ROBO2: variants seen among roughly 807,000 people sequenced by gnomAD.
ROBO2 encodes roundabout guidance receptor 2, also known as roundabout homolog 2.
ROBO2 carries 53 observed loss-of-function variants against 160.8 expected under a neutral mutation model. The observed-to-expected ratio is 0.33, with a 90% CI of 0.26 to 0.41. The LOEUF is 0.41. Ranked by LOEUF, ROBO2 falls within the 10% of genes least tolerant of loss-of-function variation. The pLI is 1.00. For synonymous variants in ROBO2, 664 were observed against 611.7 expected, an observed-to-expected ratio of 1.09 and a Z score of -1.26; for missense variants, 1,577 against 1,722.4, an observed-to-expected ratio of 0.92 and a Z score of 1.49.
At chr3:76,508,223 T>A (rs568520784) in intron 2 of ROBO2, among the ~76,000 whole-genome samples, 1 of 152,272 alleles carries the variant, frequency 6.6e-6, no homozygotes, top group Non-Finnish European at 1.5e-5. Context: ...CCTAAAATGA[T>A]CATTTTTAGT....
chr3:76,798,170 G>GAAAGAAA (rs1553909247), intron 2 of ROBO2, among the ~76,000 whole-genome samples: 1 of 113,836 alleles, frequency 8.8e-6, no homozygotes, highest in Non-Finnish European at 1.8e-5. Flanking sequence ...AAGAAAGAAA[G>GAAAGAAA]GGAGAGAAAG....
intron 2 of ROBO2, among the ~76,000 whole-genome samples, chr3:77,339,167 TAA>T (rs890742508): frequency 6.6e-6 from 1 of 152,050 alleles, no homozygotes; most frequent in Non-Finnish European, 1.5e-5. Context: ...TGCCAAATGA[TAA>T]AAAAATTAAC....
chr3:77,558,132 C>A lies in ROBO2; in HGVS notation c.1420C>A (p.Gln474Lys), dbSNP rs774652786. ...AACAATTCAAGAGCAAGGCACACTG[C>A]AGATTAAGAATTTACGGGTAAGTAA... Residue 474 changes from glutamine to lysine, a missense_variant, in exon 9 of 26, where the codon CAG (glutamine) becomes AAG (lysine). Gln to Lys is a moderately conservative substitution (Grantham distance 53). This residue lies in a region of ROBO2 where 940 missense variants were observed against 1,135.5 expected (regional missense o/e 0.83). Coordinates refer to ENST00000461745, the Ensembl canonical transcript of ROBO2. 9.2e-5 allele frequency: 149 copies of A among 1,612,672 alleles called. No individual in the cohort carries two copies. Among genetic ancestry groups the A allele is most frequent in the Middle Eastern group, 1.6e-4 (1 of 6,078 alleles).
chr3:77,636,246 G>A (rs1583434802), intron 24 of ROBO2, among the ~76,000 whole-genome samples: 1 of 151,934 alleles, frequency 6.6e-6, no homozygotes, highest in Non-Finnish European at 1.5e-5. Context: ...TGGGACATAG[G>A]GTCTCTGTCA....
At chr3:75,991,380 T>C (rs688742) in intron 2 of ROBO2, among the ~76,000 whole-genome samples, 117,262 of 151,738 alleles carry the variant, frequency 0.77, 46,505 homozygotes, top group East Asian at 0.97. Context: ...TCAGGGCTTT[T>C]CCACACTGTT....
chr3:76,371,972 G>C (rs751762965), intron 2 of ROBO2, among the ~76,000 whole-genome samples: 7 of 151,812 alleles, frequency 4.6e-5, no homozygotes, highest in Non-Finnish European at 8.8e-5. Flanking sequence ...TTAAAAGAGT[G>C]TTCCCCTACT....
chr3:76,801,631 A>G (rs2064206297), intron 2 of ROBO2, among the ~76,000 whole-genome samples: 1 of 152,122 alleles, frequency 6.6e-6, no homozygotes, highest in South Asian at 2.1e-4. Flanking sequence ...TATCGAGACC[A>G]GCAAAACTTT....
At chr3:76,219,419 C>G (rs1343026112) in intron 2 of ROBO2, among the ~76,000 whole-genome samples, 1 of 152,120 alleles carries the variant, frequency 6.6e-6, no homozygotes, top group East Asian at 1.9e-4. Context: ...TTTTTGCAAA[C>G]TACTTACCTG....
intron 2 of ROBO2, among the ~76,000 whole-genome samples, chr3:77,221,430 T>C (rs2085774273): frequency 6.6e-6 from 1 of 152,214 alleles, no homozygotes; most frequent in African/African-American, 2.4e-5. Context: ...AGGGTGACAC[T>C]GATCGAATGT....
intron 2 of ROBO2, among the ~76,000 whole-genome samples, chr3:76,166,781 A>G (rs945838815): frequency 1.3e-4 from 20 of 152,204 alleles, no homozygotes; most frequent in African/African-American, 4.6e-4. Context: ...GTTTGAATAA[A>G]TAAATATAAT....
intron 2 of ROBO2, among the ~76,000 whole-genome samples, chr3:76,206,259 G>C (rs1257337061): frequency 6.6e-6 from 1 of 152,000 alleles, no homozygotes; most frequent in African/African-American, 2.4e-5. Flanking sequence ...TCTGAGAGCT[G>C]TCCTCATTTA....
In ROBO2 at chr3:76,041,571, G is replaced by A. The variant is rs777781386; in HGVS notation, c.109+103969G>A. The stretch of plus-strand genomic sequence containing the variant: ...CCAACTAAATCTTAAAATTTCATTG[G>A]AATATCAATGAATGTCTTTTCCATC... On this transcript the variant is annotated intron_variant, in intron 2 of 26. Transcript: ENST00000487694. Among the ~76,000 whole-genome samples, 14 of 152,038 alleles carry A rather than the reference G, an allele frequency of 9.2e-5. No homozygotes were observed. In the South Asian group the frequency reaches 1.2e-3, roughly 14 times the overall value.
intron 2 of ROBO2, among the ~76,000 whole-genome samples, chr3:76,945,362 A>C (rs2078464646): frequency 6.6e-6 from 1 of 152,224 alleles, no homozygotes; most frequent in Non-Finnish European, 1.5e-5. Context: ...AATTCTTCTT[A>C]GGAAATCAGA....
At chr3:76,325,717 A>T (rs1212350548) in intron 2 of ROBO2, among the ~76,000 whole-genome samples, 1 of 120,868 alleles carries the variant, frequency 8.3e-6, no homozygotes, top group Non-Finnish European at 1.8e-5. Flanking sequence ...AGGCCAAATT[A>T]AAAAAAAAAA....
intron 2 of ROBO2, among the ~76,000 whole-genome samples, chr3:77,295,898 G>C (rs908854463): frequency 1.4e-5 from 2 of 147,558 alleles, no homozygotes; most frequent in Admixed American, 1.4e-4. Flanking sequence ...ACGGTTAAAC[G>C]GGTAAGCTGA....
chr3:76,094,745 G>A (rs2069371233), intron 2 of ROBO2, among the ~76,000 whole-genome samples: 1 of 152,034 alleles, frequency 6.6e-6, no homozygotes, highest in Non-Finnish European at 1.5e-5. Context: ...ATTTCAAAAA[G>A]AATAAATAAG....
intron 2 of ROBO2, among the ~76,000 whole-genome samples, chr3:77,021,899 A>G (rs893043600): frequency 2.0e-5 from 3 of 152,276 alleles, no homozygotes; most frequent in African/African-American, 7.2e-5. Flanking sequence ...AAGCCCCTTG[A>G]TCTTGGACTT....
intron 2 of ROBO2, among the ~76,000 whole-genome samples, chr3:77,326,523 G>A (rs923301228): frequency 2.0e-5 from 3 of 152,074 alleles, no homozygotes; most frequent in African/African-American, 7.2e-5. Context: ...CATTGATCTT[G>A]TTTTGTGTTG....
chr3:77,289,161 A>C (rs1165300269), intron 2 of ROBO2, among the ~76,000 whole-genome samples: 1 of 152,202 alleles, frequency 6.6e-6, no homozygotes, highest in Non-Finnish European at 1.5e-5. Flanking sequence ...CTACAAATAA[A>C]TATAAAATTA....
Sources: gnomAD v4.1 joint callset for allele counts (sites outside exome capture counted in the v4.1 genomes callset) on GRCh38, gnomAD v4.1.1 for gene constraint, gnomAD v4.1.1 regional missense constraint, MANE v1.5 for transcripts, NCBI Gene and HGNC (gene_info 2026-07-23, HGNC 2026-07-21) for gene names.